Variants in PARD3 observed in about 807,000 individuals in gnomAD.
PARD3 encodes partitioning defective 3 homolog.
Under a neutral mutation model 155.4 loss-of-function variants are expected in PARD3, and 75 were observed. The observed-to-expected ratio is 0.48, with a 90% confidence interval of 0.40 to 0.58. The LOEUF (loss-of-function observed/expected upper bound fraction) is 0.58, where lower values mean the gene tolerates loss of function less well. Ranked by LOEUF, PARD3 falls within the 20% of genes least tolerant of loss-of-function variation. The pLI is 0.00. For missense variants in PARD3, 1,642 were observed against 1,721.7 expected (o/e 0.95, Z 0.82); for synonymous variants, 576 against 610.5 (o/e 0.94, Z 0.83).
At chr10:34,731,162 A>T (rs922120069) in intron 1 of PARD3, among the ~76,000 whole-genome samples, 13 of 152,236 alleles carry the variant, frequency 8.5e-5, no homozygotes, top group African/African-American at 3.1e-4. Flanking sequence ...TGATCTTCCA[A>T]ATCAGAAAAA....
At chr10:34,390,741 C>T (rs994114564) in intron 7 of PARD3, among the ~76,000 whole-genome samples, 6 of 152,054 alleles carry the variant, frequency 3.9e-5, no homozygotes, top group East Asian at 1.9e-4. Flanking sequence ...AAATAAATTG[C>T]GTTTTCAATA....
intron 4 of PARD3, among the ~76,000 whole-genome samples, chr10:34,463,934 T>C (rs544783392): frequency 1.1e-3 from 171 of 152,286 alleles, no homozygotes; most frequent in African/African-American, 4.0e-3. Context: ...CCTAGGTGTG[T>C]TGTAGGCTAC....
intron 2 of PARD3, among the ~76,000 whole-genome samples, chr10:34,564,370 C>G (rs1251746900): frequency 6.6e-6 from 1 of 152,212 alleles, no homozygotes; most frequent in Non-Finnish European, 1.5e-5. Context: ...ACTAACAGAA[C>G]CCTGATTTTA....
At chr10:34,326,078 G>A (rs1834993251) in intron 19 of PARD3, among the ~76,000 whole-genome samples, 1 of 146,128 alleles carries the variant, frequency 6.8e-6, no homozygotes, top group South Asian at 2.2e-4. Flanking sequence ...AATGAGCCAA[G>A]ATTGTGCCAC....
intron 2 of PARD3, among the ~76,000 whole-genome samples, chr10:34,667,265 T>G (rs968740072): frequency 2.6e-5 from 4 of 152,160 alleles, no homozygotes; most frequent in African/African-American, 7.2e-5. Context: ...CAAATCTAGA[T>G]AGCTAGTAGG....
intron 4 of PARD3, among the ~76,000 whole-genome samples, chr10:34,452,133 T>C (rs2077096294): frequency 1.3e-5 from 2 of 152,132 alleles, no homozygotes; most frequent in South Asian, 4.1e-4. Context: ...AAAATAAAAA[T>C]TGAGGCTATC....
intron 3 of PARD3, among the ~76,000 whole-genome samples, chr10:34,492,421 G>A (rs2079979615): frequency 6.6e-6 from 1 of 152,080 alleles, no homozygotes; most frequent in African/African-American, 2.4e-5. Flanking sequence ...AACAAAAAGG[G>A]CTTACCTTCT....
chr10:34,321,101 G>GA (rs1010194808), intron 19 of PARD3, among the ~76,000 whole-genome samples: 4 of 151,544 alleles, frequency 2.6e-5, no homozygotes, highest in East Asian at 3.9e-4. Context: ...CTTAATTTTT[G>GA]AAAAAAATAT....
chr10:34,742,676 C>T (rs1048213378), intron 1 of PARD3, among the ~76,000 whole-genome samples: 1 of 152,200 alleles, frequency 6.6e-6, no homozygotes, highest in Non-Finnish European at 1.5e-5. Flanking sequence ...TCCTGTACTG[C>T]GTGGAGGCTT....
chr10:34,579,560 G>C (rs914945493), intron 2 of PARD3, among the ~76,000 whole-genome samples: 4 of 130,024 alleles, frequency 3.1e-5, no homozygotes, highest in African/African-American at 1.3e-4. Context: ...TTCTCTGTGT[G>C]TGTGTGTGTG....
intron 5 of PARD3, chr10:34,426,852 A>T (rs2075634583): frequency 6.6e-6 from 1 of 152,314 alleles, no homozygotes; most frequent in African/African-American, 2.4e-5. Context: ...GCAGAAGAAC[A>T]TAAATTGTGA....
At chr10:34,750,446 C>G (rs1227753555) in intron 1 of PARD3, among the ~76,000 whole-genome samples, 1 of 142,550 alleles carries the variant, frequency 7.0e-6, no homozygotes, top group African/African-American at 2.6e-5. Context: ...CAGTTACATC[C>G]TCTTTCTCTC....
intron 7 of PARD3, among the ~76,000 whole-genome samples, chr10:34,388,734 G>A (rs1179979649): frequency 6.6e-6 from 1 of 152,138 alleles, no homozygotes; most frequent in Admixed American, 6.5e-5. Context: ...GCTAATACCA[G>A]AATTCCTTAT....
chr10:34,494,825 A>G (rs753130696), intron 3 of PARD3, among the ~76,000 whole-genome samples: 4 of 152,092 alleles, frequency 2.6e-5, no homozygotes, highest in Admixed American at 6.6e-5. Context: ...CCATGCCTCA[A>G]TGGTTCTGCA....
At chr10:34,748,507 A>G (rs1835588816) in intron 1 of PARD3, among the ~76,000 whole-genome samples, 1 of 151,854 alleles carries the variant, frequency 6.6e-6, no homozygotes, top group South Asian at 2.1e-4. Flanking sequence ...AAAGGAAAGG[A>G]AGCTCTGTTC....
At chr10:34,329,002 A>T (rs997239314) in intron 19 of PARD3, among the ~76,000 whole-genome samples, 1 of 152,186 alleles carries the variant, frequency 6.6e-6, no homozygotes, top group Non-Finnish European at 1.5e-5. Flanking sequence ...CTTGTCCAGA[A>T]CTTTATCTTT....
At chr10:34,464,308 T>C (rs908845598) in intron 4 of PARD3, among the ~76,000 whole-genome samples, 90 of 152,250 alleles carry the variant, frequency 5.9e-4, no homozygotes, top group Non-Finnish European at 3.7e-4. Context: ...CAGTAAGTTC[T>C]GGAACTCAGG....
At chr10:34,432,669 T>G (rs891431285) in intron 5 of PARD3, among the ~76,000 whole-genome samples, 2 of 152,148 alleles carry the variant, frequency 1.3e-5, no homozygotes, top group African/African-American at 4.8e-5. Context: ...CCCTTTTTAT[T>G]AGGGACCACT....
intron 5 of PARD3, among the ~76,000 whole-genome samples, chr10:34,443,820 C>T (rs1423388141): frequency 1.3e-5 from 2 of 152,084 alleles, no homozygotes; most frequent in Admixed American, 6.6e-5. Flanking sequence ...AGCATCACAG[C>T]TGCAGAAAGT....
Sources: gnomAD v4.1 joint callset for allele counts (sites outside exome capture counted in the v4.1 genomes callset) on GRCh38, gnomAD v4.1.1 for gene constraint, MANE v1.5 for transcripts, NCBI Gene and HGNC (gene_info 2026-07-23, HGNC 2026-07-21) for gene names.